Variants in RPH3A observed in about 807,000 individuals in gnomAD.
RPH3A encodes rabphilin-3A.
Under a neutral mutation model 102.2 loss-of-function variants are expected in RPH3A, and 48 were observed. The observed-to-expected ratio is 0.47, with a 90% CI of 0.37 to 0.60. The LOEUF is 0.60. Among genes scored for constraint, RPH3A ranks in the 20% least tolerant of loss-of-function variants. RPH3A has a pLI of 0.00. For synonymous variants in RPH3A, 310 were observed against 324.3 expected (o/e 0.96, Z 0.47); for missense variants, 781 against 910.1 (o/e 0.86, Z 1.83).
intron 1 of RPH3A, among the ~76,000 whole-genome samples, chr12:112,619,246 CTGTGTGTGTGTG>C (rs60894997): frequency 0.01 from 1,259 of 125,442 alleles, 15 homozygotes; most frequent in African/African-American, 0.032. Context: ...TATGGTAATT[CTGTGTGTGTGTG>C]TGTGTGTGTG....
chr12:112,691,998 A>C lies in RPH3A; in HGVS notation c.-139-100145A>C, dbSNP rs575058106. ...CCGTGGAATACTACTCAGCCATAAAAAGGAATGAAATTCTGTCATTTGAAG... is the reference window on the plus strand; with the variant it reads ...CCGTGGAATACTACTCAGCCATAAACAGGAATGAAATTCTGTCATTTGAAG... On this transcript the variant is annotated intron_variant, in intron 1 of 21. Transcript: ENST00000543106. Among the ~76,000 whole-genome samples, 9 of 152,356 alleles carry C rather than the reference A, an allele frequency of 5.9e-5. No homozygotes were observed. The South Asian group carries it at 1.5e-3, about 25-fold the overall frequency.
intron 1 of RPH3A, among the ~76,000 whole-genome samples, chr12:112,654,752 C>T (rs1450026568): frequency 6.6e-6 from 1 of 152,184 alleles, no homozygotes; most frequent in African/African-American, 2.4e-5. Context: ...CAAAGGTTAT[C>T]CTCAGATGGT....
chr12:112,678,299 A>AGAGAGAGAG lies in RPH3A; in HGVS notation c.-140+102980_-140+102981insGAGAGAGAG, dbSNP rs1389109730. Among the ~76,000 whole-genome samples, 57 of 41,336 alleles carry AGAGAGAGAG rather than the reference A, an allele frequency of 1.4e-3. 3 individuals are homozygous for AGAGAGAGAG. In the Middle Eastern group the frequency reaches 0.042, roughly 30 times the overall value. 27.1% of individuals were successfully genotyped at this position (41,336 alleles called of 152,430 possible). ...AAAGAAAGAAAGAAAGAAAGAAAGA[A>AGAGAGAGAG]AGAAAGAGAGAGAGAGAGAAAGAAA... is the stretch of plus-strand genomic sequence containing the variant. On this transcript the variant is annotated intron_variant, in intron 1 of 21. Transcript: ENST00000543106.
chr12:112,831,896 G>A, intron 3 of RPH3A: 1 of 443,798 alleles, frequency 2.3e-6, no homozygotes, highest in Non-Finnish European at 4.5e-6. Context: ...ATGTGCTTAA[G>A]TGTGTATTTC....
At chr12:112,652,607 C>T (rs980034032) in intron 1 of RPH3A, among the ~76,000 whole-genome samples, 1 of 152,192 alleles carries the variant, frequency 6.6e-6, no homozygotes, top group Non-Finnish European at 1.5e-5. Context: ...GAGAGTCTCA[C>T]CACCTGGTGT....
chr12:112,576,257 C>G (rs115008806), intron 1 of RPH3A, among the ~76,000 whole-genome samples: 2,406 of 152,342 alleles, frequency 0.016, 53 homozygotes, highest in African/African-American at 0.054. Context: ...CTGAGCAGTT[C>G]AGCTGTGGGG....
intron 1 of RPH3A, among the ~76,000 whole-genome samples, chr12:112,605,185 G>T (rs192061839): frequency 6.6e-6 from 1 of 152,274 alleles, no homozygotes; most frequent in East Asian, 1.9e-4. Context: ...GGCCAGCCTG[G>T]CCAATATGAT....
chr12:112,667,669 AG>A (rs1566250139), intron 1 of RPH3A, among the ~76,000 whole-genome samples: 1 of 27,998 alleles, frequency 3.6e-5, no homozygotes, highest in Non-Finnish European at 5.4e-5. Flanking sequence ...ATAAAGAGAG[AG>A]AGAGAGAGAG....
At chr12:112,799,327 A>G (rs1002275392) in intron 2 of RPH3A, among the ~76,000 whole-genome samples, 5 of 152,150 alleles carry the variant, frequency 3.3e-5, no homozygotes, top group Non-Finnish European at 7.4e-5. Context: ...GGCTGAGGCT[A>G]CTGTGAGCTG....
At chr12:112,629,243 G>A (rs1407662479) in intron 1 of RPH3A, among the ~76,000 whole-genome samples, 12 of 151,944 alleles carry the variant, frequency 7.9e-5, no homozygotes. Context: ...GCTCAGATAG[G>A]GTATCGCCCT....
chr12:112,591,261 A>C (rs1050400320), intron 1 of RPH3A, among the ~76,000 whole-genome samples: 1 of 150,332 alleles, frequency 6.7e-6, no homozygotes, highest in Non-Finnish European at 1.5e-5. Context: ...AATTAAAAAA[A>C]ATTTTTAGGA....
At chr12:112,894,752 A>G in intron 20 of RPH3A, 93 bp downstream of exon 20, 1 of 991,324 alleles carries the variant, frequency 1.0e-6, no homozygotes, top group Non-Finnish European at 1.5e-6. Context: ...ATGTGGCCAC[A>G]TAGCCATTAA....
chr12:112,784,966 TA>T (rs2041036126), intron 1 of RPH3A, among the ~76,000 whole-genome samples: 3 of 152,238 alleles, frequency 2.0e-5, no homozygotes, highest in African/African-American at 7.2e-5. Context: ...CTCACGCCTA[TA>T]ATCCCAGCAC....
chr12:112,878,904 GC>G (rs1470022009), intron 13 of RPH3A, among the ~76,000 whole-genome samples: 2 of 152,208 alleles, frequency 1.3e-5, no homozygotes, highest in East Asian at 3.9e-4. Flanking sequence ...CATTACCTAG[GC>G]AAGTGCACAG....
chr12:112,636,351 G>A (rs2039848563), intron 1 of RPH3A, among the ~76,000 whole-genome samples: 1 of 152,196 alleles, frequency 6.6e-6, no homozygotes. Flanking sequence ...TACATGGAGG[G>A]CTAACAATGC....
At chr12:112,715,893 A>G (rs913645988) in intron 1 of RPH3A, among the ~76,000 whole-genome samples, 1 of 152,210 alleles carries the variant, frequency 6.6e-6, no homozygotes, top group South Asian at 2.1e-4. Flanking sequence ...TCTTAATTAT[A>G]TGCTAAACAA....
Position 112,675,849 on chromosome 12 carries a change from T to G in RPH3A, c.-140+100530T>G, listed in dbSNP as rs192937653. Reference sequence around the variant, plus strand: ...CCTATCAGGAAAATAGAAATGACACTGAGTTTTTAAGACAGAGAGATGTAA... The same window carrying G: ...CCTATCAGGAAAATAGAAATGACACGGAGTTTTTAAGACAGAGAGATGTAA... On this transcript the variant is annotated intron_variant, in intron 1 of 21. Coordinates refer to the RPH3A transcript ENST00000543106. Among the ~76,000 whole-genome samples, 3 of 152,262 alleles carry G rather than the reference T, an allele frequency of 2.0e-5. No homozygotes were observed. The East Asian group carries it at 5.8e-4, about 29-fold the overall frequency.
rs906146606 is a variant in RPH3A, at chr12:112,890,756, C to T, written c.1621-93C>T. ...GCTCCCTAGAGCTGGCCAAGCTTCG[C>T]CTGCCCTTCATAGGTTCTTCCCTAA... On this transcript the variant is annotated intron_variant, in intron 18 of 21. Transcript: ENST00000389385. The T allele has an allele frequency of 6.3e-6, 9 of 1,418,260 alleles. No homozygotes were observed. In the African/African-American group the frequency reaches 8.5e-5, roughly 13 times the overall value. 87.9% of individuals were successfully genotyped at this position (1,418,260 alleles called of 1,614,324 possible).
intron 2 of RPH3A, among the ~76,000 whole-genome samples, chr12:112,802,259 G>A (rs916027250): frequency 6.6e-6 from 1 of 152,212 alleles, no homozygotes; most frequent in Admixed American, 6.5e-5. Context: ...GAAGAGAGCA[G>A]CTGGTTCTGG....
Sources: allele counts gnomAD v4.1 joint callset (sites outside exome capture counted in the v4.1 genomes callset), GRCh38; gene constraint gnomAD v4.1.1; transcripts MANE v1.5; gene names NCBI Gene and HGNC (gene_info 2026-07-23, HGNC 2026-07-21).